Variants in PDE2A observed in about 807,000 individuals in gnomAD.
PDE2A encodes phosphodiesterase 2A.
Under a neutral mutation model 133.6 loss-of-function variants are expected in PDE2A, and 53 were observed. The ratio of observed to expected loss-of-function variants is 0.40; its 90% CI spans 0.32 to 0.50. The LOEUF (loss-of-function observed/expected upper bound fraction) is 0.50, where lower values mean the gene tolerates loss of function less well. Ranked by LOEUF, PDE2A falls within the 20% of genes least tolerant of loss-of-function variation. The probability of loss-of-function intolerance (pLI) is 0.73; values close to 1 mark genes in which losing one functional copy is unlikely to be tolerated. For synonymous variants in PDE2A, 491 were observed against 490.2 expected (o/e 1.00, Z -0.02); for missense variants, 796 against 1,232.4 (o/e 0.65, Z 5.30).
rs1258006285 is a variant in PDE2A, at chr11:72,578,533, C to A, written c.2470-19G>T. 1.2e-6 allele frequency: 2 copies of A among 1,605,394 alleles called. No homozygotes were observed. Among genetic ancestry groups the A allele is most frequent in the South Asian group, 1.1e-5 (1 of 90,904 alleles). On this transcript the variant is annotated intron_variant, in intron 28 of 30. Transcript: ENST00000334456. This position sits in a 1 kb window ranked among gnomAD's most constrained non-coding sequence, Gnocchi z 4.2. Reference sequence around the variant, plus strand: ...TCAGCTCCTGAAAGGCCAACACTCTCATCACATCCTCTATGTAGGATACAT... The same window carrying A: ...TCAGCTCCTGAAAGGCCAACACTCTAATCACATCCTCTATGTAGGATACAT...
Position 72,655,510 on chromosome 11 carries a change from CGTGT to C in PDE2A, c.72-13188_72-13185del, listed in dbSNP as rs1025048852. On this transcript the variant is annotated intron_variant, in intron 1 of 30. Transcript: ENST00000334456. ...GTGCCTGTGTGTGTGTGTGCACGCA[CGTGT>C]GTGTGTGTGCATGTGTGTGTGTGTG... Among the ~76,000 whole-genome samples, 21 of 151,138 alleles carry C rather than the reference CGTGT, an allele frequency of 1.4e-4. No homozygotes were observed. In the Middle Eastern group the frequency reaches 0.01, roughly 73 times the overall value.
chr11:72,586,887 C>A (rs1261762551), intron 13 of PDE2A, among the ~76,000 whole-genome samples: 1 of 152,176 alleles, frequency 6.6e-6, no homozygotes, highest in Admixed American at 6.5e-5. Context: ...GGGCATCCCC[C>A]ATTCATGCTT....
At chr11:72,595,370 G>T (rs757831369) in intron 6 of PDE2A, among the ~76,000 whole-genome samples, 29 of 152,056 alleles carry the variant, frequency 1.9e-4, no homozygotes, top group Non-Finnish European at 3.7e-4. Context: ...ATAGGGGGAG[G>T]CGACCCCCTG....
At chr11:72,669,262 T>C (rs1003790694) in intron 1 of PDE2A, among the ~76,000 whole-genome samples, 7 of 151,994 alleles carry the variant, frequency 4.6e-5, no homozygotes, top group Middle Eastern at 3.2e-3. Context: ...AAGGCAACCA[T>C]CCAAAGAATG....
In PDE2A at chr11:72,584,861, C is replaced by T; in HGVS notation, c.1359+11G>A. 3 of 1,613,176 alleles carry T rather than the reference C, an allele frequency of 1.9e-6. No homozygotes were observed. The highest frequency in any genetic ancestry group is 1.7e-4 in the Middle Eastern group (1 of 6,060). On this transcript the variant is annotated intron_variant, in intron 17 of 30. Coordinates refer to ENST00000334456, the MANE Select transcript of PDE2A (RefSeq NM_002599.5). ...CCCCTAGGGCCACATACTCCCTCCA[C>T]ACCCTCTCACCTCATCATCCACCAC...
At chr11:72,664,475 G>A (rs1855173588) in intron 1 of PDE2A, among the ~76,000 whole-genome samples, 2 of 141,306 alleles carry the variant, frequency 1.4e-5, no homozygotes, top group South Asian at 4.5e-4. Flanking sequence ...CTGAGTTCAT[G>A]CCATTATCCT....
Position 72,674,146 on chromosome 11 carries a change from G to C in PDE2A, c.62C>G (p.Pro21Arg). Reference protein sequence around the residue: ...CRSQQYPAARPAEPRGQQVFL... With the variant: ...CRSQQYPAARRAEPRGQQVFL... ...CCCTCACTATACTCACGGCTCAGCCGGTCGCGCTGCCGGGTACTGCTGGCT... is the reference window on the plus strand; with the variant it reads ...CCCTCACTATACTCACGGCTCAGCCCGTCGCGCTGCCGGGTACTGCTGGCT... The change falls in exon 1 of 31, where the codon CCG (proline) becomes CGG (arginine). Residue 21 changes from proline (P) to arginine (R), a missense_variant. By Grantham distance (103) the Pro-to-Arg change is moderately radical. This residue lies in a region of PDE2A where 417 missense variants were observed against 475.3 expected (regional missense o/e 0.88). Coordinates refer to ENST00000334456, the MANE Select transcript of PDE2A (RefSeq NM_002599.5). 3 of 1,613,102 alleles carry C rather than the reference G, an allele frequency of 1.9e-6. No individual in the cohort carries two copies. Among genetic ancestry groups the C allele is most frequent in the Non-Finnish European group, 2.5e-6 (3 of 1,179,796 alleles).
chr11:72,585,219 C>A (rs1173575705), intron 16 of PDE2A, 152 bp downstream of exon 16: 4 of 725,248 alleles, frequency 5.5e-6, no homozygotes, highest in East Asian at 2.7e-5. Flanking sequence ...TACAGTCTAG[C>A]GAGGGAGACA....
At chr11:72,583,355 G>A (rs1339620633) in intron 20 of PDE2A, 83 bp downstream of exon 20, 1 of 963,862 alleles carries the variant, frequency 1.0e-6, no homozygotes, top group African/African-American at 1.6e-5. Flanking sequence ...CTCATCCTCA[G>A]TAGAGATTGA....
At chr11:72,649,943 C>G (rs1192207498) in intron 1 of PDE2A, among the ~76,000 whole-genome samples, 3 of 151,956 alleles carry the variant, frequency 2.0e-5, no homozygotes, top group African/African-American at 7.3e-5. Context: ...TCTCAGCCTA[C>G]CCCAGGGACA....
At chr11:72,581,006 G>A in intron 23 of PDE2A, 33 bp from the exon 24 acceptor site, 1 of 1,457,828 alleles carries the variant, frequency 6.9e-7, no homozygotes, top group Non-Finnish European at 9.6e-7. Flanking sequence ...AAAAAAAAGA[G>A]GTCAGCCCAC....
At chr11:72,603,077 G>T (rs1856827440) in intron 4 of PDE2A, among the ~76,000 whole-genome samples, 1 of 152,164 alleles carries the variant, frequency 6.6e-6, no homozygotes, top group Non-Finnish European at 1.5e-5. Flanking sequence ...TTTCACAGGG[G>T]CCATGGAAAG....
At chr11:72,619,404 A>G (rs1426262537) in intron 2 of PDE2A, among the ~76,000 whole-genome samples, 1 of 152,062 alleles carries the variant, frequency 6.6e-6, no homozygotes, top group South Asian at 2.1e-4. Context: ...ACGGACCATC[A>G]CATCATCATG....
intron 4 of PDE2A, among the ~76,000 whole-genome samples, chr11:72,598,119 G>C (rs1457235536): frequency 6.6e-6 from 1 of 152,208 alleles, no homozygotes; most frequent in Non-Finnish European, 1.5e-5. Context: ...CCCGTGCACA[G>C]CCCAAGCAAC....
At chr11:72,668,276 T>C in intron 1 of PDE2A, 2 of 718,318 alleles carry the variant, frequency 2.8e-6, no homozygotes, top group East Asian at 5.4e-5. Flanking sequence ...GTGCCCCAGG[T>C]CTGGCTCCAC....
intron 2 of PDE2A, among the ~76,000 whole-genome samples, chr11:72,627,411 G>A (rs190568991): frequency 1.8e-4 from 28 of 152,366 alleles, no homozygotes; most frequent in Admixed American, 1.8e-3. Context: ...CCAGTCTGAG[G>A]AACGTCACAA....
intron 1 of PDE2A, 188 bp from the exon 2 acceptor site, chr11:72,642,514 G>T: frequency 2.3e-6 from 1 of 430,160 alleles, no homozygotes. Context: ...GCCCGCCCCG[G>T]CCCCGCCTAT....
rs1490214231 is a variant in PDE2A at position 72,582,606 on chromosome 11, C to A, written c.1729-40G>T. ...CCAGAGCATTAGAAGACAGCCTTCACCCCATCTGGTGTCTTCACCCTCAAA... is the reference window on the plus strand; with the variant it reads ...CCAGAGCATTAGAAGACAGCCTTCAACCCATCTGGTGTCTTCACCCTCAAA... On this transcript the variant is annotated intron_variant, in intron 20 of 30. Coordinates refer to ENST00000334456, the MANE Select transcript of PDE2A (RefSeq NM_002599.5). 5 of 1,579,042 alleles carry A rather than the reference C, an allele frequency of 3.2e-6. No individual in the cohort carries two copies. In the East Asian group the frequency reaches 6.8e-5, roughly 22 times the overall value.
At chr11:72,647,494 C>A (rs1027487821) in intron 1 of PDE2A, among the ~76,000 whole-genome samples, 7 of 152,246 alleles carry the variant, frequency 4.6e-5, no homozygotes, top group Non-Finnish European at 1.0e-4. Context: ...AGGCACCAGG[C>A]CCAAAGATAT....
Sources: gnomAD v4.1 joint callset for allele counts (sites outside exome capture counted in the v4.1 genomes callset) on GRCh38, gnomAD v4.1.1 for gene constraint, gnomAD v4.1.1 regional missense constraint, Gnocchi (gnomAD v3.1) non-coding constraint, MANE v1.5 for transcripts, NCBI Gene and HGNC (gene_info 2026-07-23, HGNC 2026-07-21) for gene names.